The following CSNK1A1 variants were observed in gnomAD, a reference collection of about 807,000 sequenced individuals.
The protein encoded by CSNK1A1 is casein kinase I isoform alpha.
A neutral mutation model predicts 46.1 loss-of-function variants in CSNK1A1; 7 were observed. The observed-to-expected ratio is 0.15, with a 90% confidence interval of 0.09 to 0.29. CSNK1A1 has a LOEUF of 0.29. Among genes scored for constraint, CSNK1A1 ranks in the 10% least tolerant of loss-of-function variants. The pLI is 1.00. For missense variants in CSNK1A1, 96 were observed against 417.1 expected, an observed-to-expected ratio of 0.23 and a Z score of 6.71; for synonymous variants, 137 against 141.5, an observed-to-expected ratio of 0.97 and a Z score of 0.23.
At position 149,493,740 on chromosome 5, in the gene CSNK1A1, A is replaced by G. The variant is rs367873218; in HGVS notation, c.*3113T>C. On this transcript the variant is annotated 3_prime_UTR_variant, in exon 10 of 10. Coordinates refer to ENST00000377843, the MANE Select transcript of CSNK1A1 (RefSeq NM_001892.6). The stretch of plus-strand genomic sequence containing the variant: ...TAATGCATTTAAAGTATAGTCTCAC[A>G]AAGTCTCACTTAAGAGAGCAGCACA... 12 of 152,338 alleles carry G rather than the reference A, an allele frequency of 7.9e-5. No individual in the cohort carries two copies. In the South Asian group the frequency reaches 2.5e-3, roughly 32 times the overall value. 9.4% of individuals were successfully genotyped at this position (152,338 alleles called of 1,614,324 possible). A position where few individuals can be genotyped will look rare whatever the true frequency, so the allele number is the denominator to read the frequency against.
rs1561772362 is a variant in CSNK1A1, at chr5:149,542,627, TA to T, written c.230+7447del. Among the ~76,000 whole-genome samples the T allele has an allele frequency of 7.9e-4, 11 of 13,844 alleles. 1 individual carries two copies. The highest frequency in any genetic ancestry group is 1.6e-3 in the Admixed American group (1 of 620). 9.1% of individuals were successfully genotyped at this position (13,844 alleles called of 152,430 possible). ...ATATATATATATATATATATATATATATATATATATATGTATATATATATAT... is the reference window on the plus strand; with the variant it reads ...ATATATATATATATATATATATATATTATATATATATGTATATATATATAT... On this transcript the variant is annotated intron_variant, in intron 2 of 9. Coordinates refer to ENST00000377843, the MANE Select transcript of CSNK1A1 (RefSeq NM_001892.6).
chr5:149,547,902 C>T (rs536030339), intron 2 of CSNK1A1, among the ~76,000 whole-genome samples: 2 of 151,360 alleles, frequency 1.3e-5, no homozygotes, highest in East Asian at 1.9e-4. Context: ...GATGGCGTCT[C>T]GCTCTGTCAC....
rs1208714822 is a variant in CSNK1A1 at position 149,525,775 on chromosome 5, T to A, written c.231-604A>T. ...CTGGGCTGTATTACTGTATACAATG[T>A]GTCCCTAATAAGAAGTATCAACTGC... On this transcript the variant is annotated intron_variant, in intron 2 of 9. Transcript: ENST00000377843. The surrounding 1 kb of genome is among the most constrained non-coding windows in gnomAD (Gnocchi z 4.2). Among the ~76,000 whole-genome samples, 1 of 152,236 alleles carries A rather than the reference T, an allele frequency of 6.6e-6. No homozygotes were observed. Among genetic ancestry groups the A allele is most frequent in the Non-Finnish European group, 1.5e-5 (1 of 68,034 alleles).
intron 2 of CSNK1A1, among the ~76,000 whole-genome samples, chr5:149,531,693 CAAAAAAA>C (rs60488526): frequency 1.9e-4 from 26 of 136,666 alleles, no homozygotes; most frequent in Non-Finnish European, 3.2e-4. Context: ...ACTAAAAATA[CAAAAAAA>C]AAAAAAACAA....
At chr5:149,503,773 C>T (rs1760946141) in intron 9 of CSNK1A1, 9 of 985,366 alleles carry the variant, frequency 9.1e-6, no homozygotes, top group Non-Finnish European at 1.1e-5. Flanking sequence ...AACAAAGAAA[C>T]TAACTTAAAA....
chr5:149,496,702 C>A lies in CSNK1A1; in HGVS notation c.*151G>T. On this transcript the variant is annotated 3_prime_UTR_variant, in exon 10 of 10. Coordinates refer to ENST00000377843, the MANE Select transcript of CSNK1A1 (RefSeq NM_001892.6). ...CAGCATCACCAATGCTGCCCAGAGT[C>A]AGTTTATACTGAAATTAAGTTCTTT... 2.0e-6 allele frequency: 2 copies of A among 1,004,698 alleles called. No homozygotes were observed. The highest frequency in any genetic ancestry group is 3.6e-5 in the South Asian group (2 of 54,818). The allele number at this position is 1,004,698 out of a possible 1,614,324, so 62.2% of individuals were successfully genotyped here.
At chr5:149,527,172 G>A (rs1318789145) in intron 2 of CSNK1A1, among the ~76,000 whole-genome samples, 2 of 151,654 alleles carry the variant, frequency 1.3e-5, no homozygotes, top group African/African-American at 2.4e-5. Flanking sequence ...CTGTCCGACA[G>A]GCTCGAGTGC....
chr5:149,496,551 C>T lies in CSNK1A1; in HGVS notation c.*302G>A, dbSNP rs571892606. On this transcript the variant is annotated 3_prime_UTR_variant, in exon 10 of 10. Transcript: ENST00000377843. ...AAAAATTGGCATATGCACAATTTCTCCACCAATTTTTGTGTGTCAACCATT... is the reference window on the plus strand; with the variant it reads ...AAAAATTGGCATATGCACAATTTCTTCACCAATTTTTGTGTGTCAACCATT... 6 of 390,516 alleles carry T rather than the reference C, an allele frequency of 1.5e-5. No individual in the cohort carries two copies. In the South Asian group the frequency reaches 4.2e-4, roughly 27 times the overall value. The allele number at this position is 390,516 out of a possible 1,614,324, so 24.2% of individuals were successfully genotyped here.
chr5:149,502,581 C>T, intron 9 of CSNK1A1: 1 of 641,584 alleles, frequency 1.6e-6, no homozygotes, highest in Non-Finnish European at 1.9e-6. Context: ...ACTATGTGGC[C>T]CAGGCAAGTC....
chr5:149,548,828 G>A (rs1762565310), intron 2 of CSNK1A1, among the ~76,000 whole-genome samples: 1 of 152,196 alleles, frequency 6.6e-6, no homozygotes, highest in Non-Finnish European at 1.5e-5. Context: ...ACTCCAGCCT[G>A]GACCACAAGA....
chr5:149,531,479 T>G (rs1173359562), intron 2 of CSNK1A1, among the ~76,000 whole-genome samples: 1 of 151,170 alleles, frequency 6.6e-6, no homozygotes, highest in African/African-American at 2.4e-5. Flanking sequence ...GATCACGCTA[T>G]TGCACTCCTG....
chr5:149,546,132 G>A, intron 2 of CSNK1A1, among the ~76,000 whole-genome samples: 1 of 151,402 alleles, frequency 6.6e-6, no homozygotes, highest in South Asian at 2.1e-4. Flanking sequence ...CAACTCCTGG[G>A]CTCAGGCAAT....
intron 9 of CSNK1A1, chr5:149,504,338 A>G: frequency 2.0e-6 from 2 of 978,938 alleles, no homozygotes; most frequent in South Asian, 9.5e-5. Context: ...GTATCTTCAG[A>G]TTAGAATCTA....
At position 149,521,270 on chromosome 5, in the gene CSNK1A1, CT is replaced by C. The variant is rs909460651; in HGVS notation, c.358-883del. 0.022 allele frequency among the ~76,000 whole-genome samples: 2,724 copies of C among 123,912 alleles called. 155 individuals are homozygous for C. The East Asian group carries it at 0.3, about 14-fold the overall frequency. 81.3% of individuals were successfully genotyped at this position (123,912 alleles called of 152,430 possible). ...GCTGTAACAATTTGGATTTACTCTT[CT>C]TTTTTTTTTTTTTTTTTTGAGACAG... On this transcript the variant is annotated intron_variant, in intron 3 of 9. Coordinates refer to ENST00000377843, the MANE Select transcript of CSNK1A1 (RefSeq NM_001892.6).
chr5:149,499,424 C>G (rs1172885116), intron 9 of CSNK1A1: 2 of 216,468 alleles, frequency 9.2e-6, no homozygotes, highest in Non-Finnish European at 1.6e-5. Context: ...ATATAACTAA[C>G]AAGGATATTC....
At chr5:149,519,063 G>A (rs1403404629) in intron 4 of CSNK1A1, among the ~76,000 whole-genome samples, 2 of 152,054 alleles carry the variant, frequency 1.3e-5, no homozygotes, top group African/African-American at 4.8e-5. Flanking sequence ...GGATACTTCA[G>A]AGAAAAGCTA....
chr5:149,523,574 T>C (rs1246578055), intron 3 of CSNK1A1, among the ~76,000 whole-genome samples: 3 of 152,216 alleles, frequency 2.0e-5, no homozygotes, highest in African/African-American at 7.2e-5. Context: ...TTGCTCACAT[T>C]TGCTTGAGCC....
rs369234904 is a variant in CSNK1A1 at position 149,512,656 on chromosome 5, C to T, written c.596+414G>A. Among the ~76,000 whole-genome samples the T allele has an allele frequency of 3.4e-4, 51 of 152,194 alleles. 1 individual carries two copies. The South Asian group carries it at 5.2e-3, about 15-fold the overall frequency. ...TATAACAGGAGATGGTCCATCAACC[C>T]ACTTTTGGTTTATTAGGACACTGAT... On this transcript the variant is annotated intron_variant, in intron 5 of 9. Coordinates refer to ENST00000377843, the MANE Select transcript of CSNK1A1 (RefSeq NM_001892.6).
At chr5:149,528,941 C>G (rs561363485) in intron 2 of CSNK1A1, among the ~76,000 whole-genome samples, 21 of 151,398 alleles carry the variant, frequency 1.4e-4, no homozygotes, top group African/African-American at 5.2e-4. Context: ...ACTTTCTAGG[C>G]CTTCAAACTA....
Sources: allele counts gnomAD v4.1 joint callset (sites outside exome capture counted in the v4.1 genomes callset), GRCh38; gene constraint gnomAD v4.1.1; non-coding constraint Gnocchi (gnomAD v3.1); transcripts MANE v1.5; gene names NCBI Gene and HGNC (gene_info 2026-07-23, HGNC 2026-07-21).